GRM7: variants seen among roughly 807,000 people sequenced by gnomAD.
The protein encoded by GRM7 is glutamate metabotropic receptor 7.
Under a neutral mutation model 84.5 loss-of-function variants are expected in GRM7, and 35 were observed. The ratio of observed to expected loss-of-function variants is 0.41; its 90% CI spans 0.32 to 0.55. The LOEUF (loss-of-function observed/expected upper bound fraction) is 0.55. Ranked by LOEUF, GRM7 falls within the 20% of genes least tolerant of loss-of-function variation. GRM7 has a pLI of 0.19. For missense variants in GRM7, 1,003 were observed against 1,194.6 expected (o/e 0.84, Z 2.36); for synonymous variants, 487 against 455.1 (o/e 1.07, Z -0.89).
chr3:7,006,308 T>C (rs1416910413), intron 1 of GRM7, among the ~76,000 whole-genome samples: 1 of 152,184 alleles, frequency 6.6e-6, no homozygotes, highest in Non-Finnish European at 1.5e-5. Flanking sequence ...AGCTTCATAG[T>C]CATACTACCA....
chr3:6,966,370 G>A (rs985069597), intron 1 of GRM7, among the ~76,000 whole-genome samples: 1 of 152,036 alleles, frequency 6.6e-6, no homozygotes, highest in African/African-American at 2.4e-5. Context: ...AGGATGCAAG[G>A]TTGGACTAGT....
chr3:6,891,492 G>A (rs1055883201), intron 1 of GRM7, among the ~76,000 whole-genome samples: 3 of 151,934 alleles, frequency 2.0e-5, no homozygotes, highest in Non-Finnish European at 2.9e-5. Flanking sequence ...TCACTTATGA[G>A]GCTTAGTTTG....
rs188109866 is a variant in GRM7 at position 7,632,001 on chromosome 3, G to A, written c.2452-48048G>A. Among the ~76,000 whole-genome samples, 195 of 152,248 alleles carry A rather than the reference G, an allele frequency of 1.3e-3. No homozygotes were observed. The Middle Eastern group carries it at 0.024, about 19-fold the overall frequency. On this transcript the variant is annotated intron_variant, in intron 8 of 9. Coordinates refer to ENST00000357716, the MANE Select transcript of GRM7 (RefSeq NM_000844.4). ...TCTTTAAGAGGATGATATTTAAAAG[G>A]AGGCCTAAGGGAAGACAACTGAATA...
intron 8 of GRM7, among the ~76,000 whole-genome samples, chr3:7,588,960 AC>A (rs1249018550): frequency 6.6e-6 from 1 of 152,196 alleles, no homozygotes; most frequent in East Asian, 1.9e-4. Context: ...TGGCTAACAG[AC>A]CCAAAGCCCT....
At chr3:7,035,502 C>T (rs1449333338) in intron 1 of GRM7, among the ~76,000 whole-genome samples, 1 of 152,154 alleles carries the variant, frequency 6.6e-6, no homozygotes, top group Non-Finnish European at 1.5e-5. Flanking sequence ...ATACAAAGAG[C>T]TGCACGTGAG....
intron 2 of GRM7, among the ~76,000 whole-genome samples, chr3:7,193,621 G>A (rs1402735005): frequency 6.6e-6 from 1 of 151,618 alleles, no homozygotes; most frequent in East Asian, 1.9e-4. Context: ...TGTCTAAGAT[G>A]TTTCATGATA....
At chr3:7,135,949 C>T (rs1693755913) in intron 1 of GRM7, among the ~76,000 whole-genome samples, 1 of 151,856 alleles carries the variant, frequency 6.6e-6, no homozygotes, top group Non-Finnish European at 1.5e-5. Flanking sequence ...GTACTTGAGT[C>T]TTCAGTGACA....
At chr3:6,987,290 G>T (rs994791878) in intron 1 of GRM7, among the ~76,000 whole-genome samples, 1 of 152,018 alleles carries the variant, frequency 6.6e-6, no homozygotes, top group African/African-American at 2.4e-5. Context: ...ATGAATAAAT[G>T]CAGACAATTT....
At chr3:7,246,483 CCT>C (rs961266417) in intron 2 of GRM7, among the ~76,000 whole-genome samples, 8 of 152,110 alleles carry the variant, frequency 5.3e-5, no homozygotes, top group Admixed American at 6.6e-5. Flanking sequence ...GGACCTTGTC[CCT>C]TTTCACCTCA....
intron 9 of GRM7, among the ~76,000 whole-genome samples, chr3:7,721,161 T>C (rs908975482): frequency 1.3e-5 from 2 of 152,228 alleles, no homozygotes; most frequent in African/African-American, 4.8e-5. Flanking sequence ...ATTTAACCTC[T>C]TAATTTCTAG....
At chr3:7,159,280 G>A in intron 2 of GRM7, among the ~76,000 whole-genome samples, 1 of 152,144 alleles carries the variant, frequency 6.6e-6, no homozygotes, top group East Asian at 1.9e-4. Context: ...AAAACACGAA[G>A]ATTCAGGTGA....
At chr3:7,302,931 A>ATTTTTTTTTTTTTTTTTTTTTTTTTTTTT (rs761399796) in intron 3 of GRM7, among the ~76,000 whole-genome samples, 1 of 121,942 alleles carries the variant, frequency 8.2e-6, no homozygotes. Flanking sequence ...TGATTGTTCT[A>ATTTTTTTTTTTTTTTTTTTTTTTTTTTTT]TTTTTTTTTT....
chr3:6,920,491 G>A (rs1489231783), intron 1 of GRM7, among the ~76,000 whole-genome samples: 1 of 151,930 alleles, frequency 6.6e-6, no homozygotes, highest in African/African-American at 2.4e-5. Context: ...GGAGGTGGAG[G>A]CTGCATGAGC....
At chr3:7,498,634 AGT>A (rs1418520051) in intron 7 of GRM7, among the ~76,000 whole-genome samples, 1 of 152,194 alleles carries the variant, frequency 6.6e-6, no homozygotes, top group Non-Finnish European at 1.5e-5. Context: ...GCACTTGATC[AGT>A]GTGTGTGACC....
chr3:7,455,752 C>G (rs1019281069), intron 6 of GRM7, among the ~76,000 whole-genome samples: 6 of 152,068 alleles, frequency 3.9e-5, no homozygotes, highest in African/African-American at 1.4e-4. Flanking sequence ...TAATCTTATG[C>G]TAGAAAAAAC....
chr3:7,647,686 C>T (rs1698713902), intron 8 of GRM7, among the ~76,000 whole-genome samples: 1 of 152,048 alleles, frequency 6.6e-6, no homozygotes, highest in South Asian at 2.1e-4. Flanking sequence ...GCGATGGTGG[C>T]AGTGAAGGTT....
At chr3:6,942,339 C>A (rs751631765) in intron 1 of GRM7, among the ~76,000 whole-genome samples, 11 of 152,052 alleles carry the variant, frequency 7.2e-5, no homozygotes, top group Non-Finnish European at 1.0e-4. Flanking sequence ...TTAAAATGCA[C>A]AATATAAGTT....
chr3:7,112,229 A>ATT (rs34718473), intron 1 of GRM7, among the ~76,000 whole-genome samples: 1,670 of 146,874 alleles, frequency 0.011, 30 homozygotes, highest in African/African-American at 0.037. Flanking sequence ...ATATTTTATG[A>ATT]TTTTTTTTTT....
chr3:7,103,153 C>A (rs1699170565), intron 1 of GRM7, among the ~76,000 whole-genome samples: 1 of 151,698 alleles, frequency 6.6e-6, no homozygotes, highest in Non-Finnish European at 1.5e-5. Context: ...GTAAGGGTTC[C>A]AGATTCTATT....
Sources: allele counts gnomAD v4.1 joint callset (sites outside exome capture counted in the v4.1 genomes callset), GRCh38; gene constraint gnomAD v4.1.1; transcripts MANE v1.5; gene names NCBI Gene and HGNC (gene_info 2026-07-23, HGNC 2026-07-21).